GOLM2: variants seen among roughly 807,000 people sequenced by gnomAD.
The protein encoded by GOLM2 is protein GOLM2.
In GOLM2, 26 loss-of-function variants were observed where a neutral mutation model predicts 55.9. The ratio of observed to expected loss-of-function variants is 0.47; its 90% CI spans 0.34 to 0.65. GOLM2 has a LOEUF of 0.65. GOLM2 is among the 30% of genes least tolerant of loss of function. The pLI is 0.01. For missense variants in GOLM2, 486 were observed against 531.8 expected (o/e 0.91, Z 0.85); for synonymous variants, 165 against 194.6 (o/e 0.85, Z 1.27).
At position 44,415,585 on chromosome 15, in the gene GOLM2, A is replaced by G. The variant is rs1480338219; in HGVS notation, c.*2179A>G. 1.3e-5 allele frequency: 2 copies of G among 152,636 alleles called. No individual in the cohort carries two copies. Among genetic ancestry groups the G allele is most frequent in the Non-Finnish European group, 2.9e-5 (2 of 68,028 alleles). The allele number at this position is 152,636 out of a possible 1,614,324, so 9.5% of individuals were successfully genotyped here. A position where few individuals can be genotyped will look rare whatever the true frequency, so the allele number is the denominator to read the frequency against. On this transcript the variant is annotated 3_prime_UTR_variant, in exon 10 of 10. Coordinates refer to ENST00000299957, the MANE Select transcript of GOLM2 (RefSeq NM_138423.4). ...AAAATACTATGTGAATCTCTTAAAA[A>G]TCTGACATTTTACAGTCTGTATTAG... is the stretch of plus-strand genomic sequence containing the variant.
intron 6 of GOLM2, among the ~76,000 whole-genome samples, chr15:44,377,507 G>A (rs184152152): frequency 3.8e-4 from 58 of 152,254 alleles, no homozygotes; most frequent in African/African-American, 1.4e-3. Context: ...AGTAGCTGGG[G>A]TTACAGGCGT....
intron 1 of GOLM2, among the ~76,000 whole-genome samples, chr15:44,292,380 T>G (rs535663934): frequency 6.6e-5 from 10 of 151,938 alleles, no homozygotes; most frequent in African/African-American, 2.4e-4. Flanking sequence ...GTATTTTTAG[T>G]AGAGATGGGG....
At chr15:44,331,372 ATG>A (rs1312099157) in intron 3 of GOLM2, among the ~76,000 whole-genome samples, 1 of 152,200 alleles carries the variant, frequency 6.6e-6, no homozygotes, top group Non-Finnish European at 1.5e-5. Context: ...ATTTTTCTAT[ATG>A]TGTGTTAACT....
intron 6 of GOLM2, among the ~76,000 whole-genome samples, chr15:44,369,080 TA>T (rs796959588): frequency 6.6e-4 from 43 of 65,466 alleles, no homozygotes; most frequent in East Asian, 4.6e-3. Context: ...TATATATATA[TA>T]TATATATATA....
chr15:44,346,576 A>G (rs2079126057), intron 6 of GOLM2, among the ~76,000 whole-genome samples: 2 of 152,230 alleles, frequency 1.3e-5, no homozygotes. Flanking sequence ...AACTAGCTAC[A>G]CTTAAAGTGC....
chr15:44,329,899 C>CTT (rs777520089), intron 3 of GOLM2, among the ~76,000 whole-genome samples: 9 of 126,934 alleles, frequency 7.1e-5, no homozygotes, highest in Non-Finnish European at 1.0e-4. Flanking sequence ...GAGAACTTGT[C>CTT]TTTTTTTTTT....
intron 1 of GOLM2, among the ~76,000 whole-genome samples, chr15:44,298,116 A>G (rs2078770688): frequency 6.8e-6 from 1 of 145,986 alleles, no homozygotes; most frequent in African/African-American, 2.5e-5. Flanking sequence ...TGAACCGTCC[A>G]CCTTGACCTC....
chr15:44,337,277 G>A (rs1233452639), intron 4 of GOLM2, among the ~76,000 whole-genome samples: 2 of 152,032 alleles, frequency 1.3e-5, no homozygotes, highest in African/African-American at 4.8e-5. Context: ...TACTTGCTGT[G>A]TTTCGGTGGC....
chr15:44,375,937 A>G (rs2079361596), intron 6 of GOLM2, among the ~76,000 whole-genome samples: 1 of 152,156 alleles, frequency 6.6e-6, no homozygotes, highest in Non-Finnish European at 1.5e-5. Context: ...TTATTGGCAT[A>G]CAAAGATATA....
rs992967509 is a variant in GOLM2, at chr15:44,407,194, ATATATT to A, written c.1240+4153_1240+4158del. Among the ~76,000 whole-genome samples the A allele has an allele frequency of 3.1e-3, 459 of 146,442 alleles. 3 individuals carry two copies. Among genetic ancestry groups the A allele is most frequent in the Non-Finnish European group, 4.9e-3 (327 of 66,662 alleles). Reference sequence around the variant, plus strand: ...TATATTTATAACATATTTCTATTATATATATTTATATTTATATTATATATTTAATAT... The same window carrying A: ...TATATTTATAACATATTTCTATTATATATATTTATATTATATATTTAATAT... On this transcript the variant is annotated intron_variant, in intron 9 of 9. Coordinates refer to ENST00000299957, the MANE Select transcript of GOLM2 (RefSeq NM_138423.4).
chr15:44,383,709 TCTATCACCCAGG>T (rs1408291080), intron 8 of GOLM2, among the ~76,000 whole-genome samples: 8 of 145,764 alleles, frequency 5.5e-5, no homozygotes, highest in Non-Finnish European at 9.0e-5. Context: ...AACGTCTCAC[TCTATCACCCAGG>T]CTTGGAGTGC....
In GOLM2 at chr15:44,414,511, C is replaced by CA. The variant is rs2079660627; in HGVS notation, c.*1106dup. 6.6e-6 allele frequency: 1 copy of CA among 152,114 alleles called. No homozygotes were observed. Among genetic ancestry groups the CA allele is most frequent in the South Asian group, 2.1e-4 (1 of 4,832 alleles). The allele number at this position is 152,114 out of a possible 1,614,324, so 9.4% of individuals were successfully genotyped here. A position where few individuals can be genotyped will look rare whatever the true frequency, so the allele number is the denominator to read the frequency against. On this transcript the variant is annotated 3_prime_UTR_variant, in exon 10 of 10. Coordinates refer to ENST00000299957, the MANE Select transcript of GOLM2 (RefSeq NM_138423.4). ...GAACTGGCTAAAATTTTTATATTTT[C>CA]AGAGTTGAAGTTGGTGAAGACATTC...
chr15:44,395,162 C>T (rs2079516576), intron 8 of GOLM2, among the ~76,000 whole-genome samples: 1 of 151,430 alleles, frequency 6.6e-6, no homozygotes, highest in African/African-American at 2.4e-5. Context: ...AGGCGCCCGC[C>T]ACCACGCCCG....
At chr15:44,336,928 T>A (rs1406571364) in intron 4 of GOLM2, among the ~76,000 whole-genome samples, 8 of 151,840 alleles carry the variant, frequency 5.3e-5, no homozygotes, top group Admixed American at 5.3e-4. Flanking sequence ...AAATAAATAA[T>A]AATAAAAAAA....
intron 8 of GOLM2, among the ~76,000 whole-genome samples, chr15:44,387,974 T>G (rs2079459125): frequency 6.6e-6 from 1 of 151,648 alleles, no homozygotes; most frequent in Non-Finnish European, 1.5e-5. Flanking sequence ...ATACTGTTCT[T>G]TTTTTTGTTT....
intron 6 of GOLM2, among the ~76,000 whole-genome samples, 176 bp downstream of exon 6, chr15:44,338,493 T>A (rs1265379574): frequency 1.3e-5 from 2 of 152,216 alleles, no homozygotes; most frequent in Non-Finnish European, 2.9e-5. Context: ...TTTTATAAAA[T>A]TTTTTGCTAA....
At position 44,320,084 on chromosome 15, in the gene GOLM2, T is replaced by C. The variant is rs578135447; in HGVS notation, c.328-2881T>C. Among the ~76,000 whole-genome samples, 4 of 152,250 alleles carry C rather than the reference T, an allele frequency of 2.6e-5. No individual in the cohort carries two copies. The South Asian group carries it at 8.3e-4, about 32-fold the overall frequency. On this transcript the variant is annotated intron_variant, in intron 1 of 9. Transcript: ENST00000299957. ...CAACAAAAAGTCACTCCTCATTCCT[T>C]CCTGCCCCCAGCCCCTGGCAGCCAC...
At chr15:44,378,830 C>G (rs2079382425) in intron 6 of GOLM2, among the ~76,000 whole-genome samples, 1 of 151,280 alleles carries the variant, frequency 6.6e-6, no homozygotes, top group Non-Finnish European at 1.5e-5. Context: ...ACTGCAACTT[C>G]CGCCTCCCAG....
At chr15:44,412,190 CA>C (rs2079642805) in intron 9 of GOLM2, among the ~76,000 whole-genome samples, 1 of 151,842 alleles carries the variant, frequency 6.6e-6, no homozygotes, top group African/African-American at 2.4e-5. Flanking sequence ...AACAAACAAA[CA>C]AAAAAACCTC....
Sources: allele counts gnomAD v4.1 joint callset (sites outside exome capture counted in the v4.1 genomes callset), GRCh38; gene constraint gnomAD v4.1.1; transcripts MANE v1.5; gene names NCBI Gene and HGNC (gene_info 2026-07-23, HGNC 2026-07-21).